The following HEATR5B variants were observed in gnomAD, a reference collection of about 807,000 sequenced individuals.
HEATR5B encodes the protein HEAT repeat-containing protein 5B.
Under a neutral mutation model 224.1 loss-of-function variants are expected in HEATR5B, and 156 were observed. The observed-to-expected ratio is 0.70, with a 90% CI of 0.61 to 0.80. HEATR5B has a LOEUF of 0.80. Among genes scored for constraint, HEATR5B ranks in the 30% least tolerant of loss-of-function variants. HEATR5B has a pLI of 0.00. For missense variants in HEATR5B, 2,323 were observed against 2,535.5 expected (o/e 0.92, Z 1.80); for synonymous variants, 1,027 against 893.0 (o/e 1.15, Z -2.68).
intron 12 of HEATR5B, among the ~76,000 whole-genome samples, chr2:37,059,509 G>A (rs1312568431): frequency 8.0e-6 from 1 of 124,930 alleles, no homozygotes; most frequent in Non-Finnish European, 1.6e-5. Flanking sequence ...TGTCAACCAG[G>A]CTGGAGTGCA....
At chr2:37,055,951 T>C (rs1670881287) in intron 16 of HEATR5B, among the ~76,000 whole-genome samples, 1 of 152,214 alleles carries the variant, frequency 6.6e-6, no homozygotes, top group South Asian at 2.1e-4. Context: ...AAAGAACCAA[T>C]TATGTTAGTT....
intron 23 of HEATR5B, 71 bp from the exon 24 acceptor site, chr2:37,028,245 ATTAAAATTTTTTTAATT>A: frequency 3.1e-6 from 3 of 955,916 alleles, no homozygotes; most frequent in Non-Finnish European, 4.2e-6. Context: ...AGTTATTAAT[ATTAAAATTTTTTTAATT>A]TAAAAAAAGA....
chr2:37,021,238 G>C (rs775000551), intron 24 of HEATR5B, among the ~76,000 whole-genome samples: 9 of 152,178 alleles, frequency 5.9e-5, no homozygotes, highest in Non-Finnish European at 1.0e-4. Context: ...AGAAAGTTAA[G>C]CTTGGGAACT....
rs767921597 is a variant in HEATR5B at position 37,020,758 on chromosome 2, C to T, written c.3932G>A (p.Arg1311Gln). 5.0e-6 allele frequency: 8 copies of T among 1,610,604 alleles called. No individual in the cohort carries two copies. The highest frequency in any genetic ancestry group is 5.9e-6 in the Non-Finnish European group (7 of 1,179,308). ...TTCAAGCGCCTGGAGCCCAGCCATTCGCAGCTGGTTGCTATGATCAGTTGC... is the reference window on the plus strand; with the variant it reads ...TTCAAGCGCCTGGAGCCCAGCCATTTGCAGCTGGTTGCTATGATCAGTTGC... ...MAATDHSNQL[R>Q]MAGLQALEDI... The change falls in exon 25 of 36, where the codon CGA becomes CAA. Residue 1311 changes from arginine (R) to glutamine (Q), a missense_variant. Arg to Gln is a conservative substitution (Grantham distance 43). This residue lies in a region of HEATR5B where 339 missense variants were observed against 378.4 expected (regional missense o/e 0.90). Transcript: ENST00000233099.
At chr2:37,075,704 CA>C (rs1039414490) in intron 4 of HEATR5B, 70 bp from the exon 5 acceptor site, 1 of 1,266,908 alleles carries the variant, frequency 7.9e-7, no homozygotes, top group African/African-American at 1.5e-5. Flanking sequence ...CACACCAAGA[CA>C]AAAGTTCTTT....
chr2:37,059,810 A>G (rs981991747), intron 12 of HEATR5B, among the ~76,000 whole-genome samples: 2 of 152,136 alleles, frequency 1.3e-5, no homozygotes, highest in African/African-American at 4.8e-5. Context: ...GTGTAAATAT[A>G]TATGTATATA....
chr2:36,994,116 C>T (rs1029155410), intron 33 of HEATR5B, among the ~76,000 whole-genome samples: 1 of 152,050 alleles, frequency 6.6e-6, no homozygotes, highest in Admixed American at 6.6e-5. Context: ...GACTTCATAT[C>T]CTCAGATGGT....
In HEATR5B at chr2:37,061,946, C is replaced by T; in HGVS notation, c.1689G>A (p.Met563Ile). 1 of 1,605,068 alleles carries T rather than the reference C, an allele frequency of 6.2e-7. No homozygotes were observed. The highest frequency in any genetic ancestry group is 8.5e-7 in the Non-Finnish European group (1 of 1,171,946). The change falls in exon 11 of 36, where the codon ATG becomes ATA. Residue 563 changes from methionine to isoleucine, a missense_variant. Met to Ile is a conservative substitution (Grantham distance 10). Around this residue, in one of 12 missense-constraint regions of HEATR5B, gnomAD observed 502 missense variants for 517.8 expected, o/e 0.97. Transcript: ENST00000233099. ...QAGWLLLGAL[M>I]TLGPSVVRYH... ...ACTCAAATATAATTATACCTAAAGT[C>T]ATAAGTGCTCCAAGTAAAAGCCAGC...
Position 36,990,915 on chromosome 2 carries a change from C to A in HEATR5B, c.5546-116G>T, listed in dbSNP as rs549924234. 4.9e-4 allele frequency: 400 copies of A among 822,252 alleles called. 1 individual carries two copies. Among genetic ancestry groups the A allele is most frequent in the Middle Eastern group, 2.3e-3 (8 of 3,536 alleles). The allele number at this position is 822,252 out of a possible 1,614,324, so 50.9% of individuals were successfully genotyped here. A position where few individuals can be genotyped will look rare whatever the true frequency, so the allele number is the denominator to read the frequency against. On this transcript the variant is annotated intron_variant, in intron 33 of 35. Transcript: ENST00000233099. ...ATGTTGTCCAGGCTGGTCTTGAACT[C>A]CTGAGCTCAAGTGATCCTCCTGCCT... is the stretch of plus-strand genomic sequence containing the variant.
At chr2:37,048,187 TG>T (rs1011822695) in intron 18 of HEATR5B, among the ~76,000 whole-genome samples, 6 of 151,340 alleles carry the variant, frequency 4.0e-5, no homozygotes, top group African/African-American at 9.7e-5. Flanking sequence ...GAGGACACAT[TG>T]TTTTTTTTTT....
At chr2:36,994,885 G>A (rs1666584211) in intron 33 of HEATR5B, among the ~76,000 whole-genome samples, 1 of 151,818 alleles carries the variant, frequency 6.6e-6, no homozygotes, top group South Asian at 2.1e-4. Context: ...TGAGTAGCTG[G>A]GATTACAGGT....
chr2:37,058,884 TTAC>T lies in HEATR5B; in HGVS notation c.1949+1_1949+3del. The T allele has an allele frequency of 6.4e-7, 1 of 1,556,302 alleles. No individual in the cohort carries two copies. Among genetic ancestry groups the T allele is most frequent in the Non-Finnish European group, 8.8e-7 (1 of 1,130,528 alleles). On this transcript the variant is annotated splice_donor_variant and splice_donor_region_variant and intron_variant, in intron 13 of 35. Coordinates refer to ENST00000233099, the MANE Select transcript of HEATR5B (RefSeq NM_019024.3). LOFTEE classifies it high-confidence loss of function. ...ATGTGAACTTGTCTCAATCGCTTACTTACTGTGACATCATAGTCATGGCACATT... is the reference window on the plus strand; with the variant it reads ...ATGTGAACTTGTCTCAATCGCTTACTTGTGACATCATAGTCATGGCACATT...
Position 37,056,520 on chromosome 2 carries a change from G to A in HEATR5B, c.2319C>T (p.Pro773=). The A allele has an allele frequency of 1.2e-6, 2 of 1,612,990 alleles. No individual in the cohort carries two copies. Among genetic ancestry groups the A allele is most frequent in the Non-Finnish European group, 1.7e-6 (2 of 1,179,364 alleles). The change falls in exon 16 of 36, where the codon CCC becomes CCT. Residue 773 remains proline, a synonymous_variant. Transcript: ENST00000233099. ...RIPAGEAVPG[P]LPLGVSVIDA... ...CAATGACTGAGACTCCGAGAGGGAGGGGACCAGGTACTGCTTCTCCAGCAG... is the reference window on the plus strand; with the variant it reads ...CAATGACTGAGACTCCGAGAGGGAGAGGACCAGGTACTGCTTCTCCAGCAG...
chr2:37,059,037 G>C, intron 12 of HEATR5B, 50 bp from the exon 13 acceptor site: 1 of 1,111,214 alleles, frequency 9.0e-7, no homozygotes, highest in Non-Finnish European at 1.3e-6. Context: ...TTGTGAACAT[G>C]AATTAATTTA....
At chr2:37,005,564 T>TC in intron 30 of HEATR5B, 68 bp downstream of exon 30, 1 of 1,453,738 alleles carries the variant, frequency 6.9e-7, no homozygotes. Flanking sequence ...AAATCCATCC[T>TC]TTTTTCCATT....
intron 33 of HEATR5B, among the ~76,000 whole-genome samples, chr2:36,998,342 A>T (rs1436427441): frequency 6.6e-6 from 1 of 152,250 alleles, no homozygotes; most frequent in Non-Finnish European, 1.5e-5. Context: ...GCAAATTAAA[A>T]CCGTAAGACA....
intron 26 of HEATR5B, 112 bp downstream of exon 26, chr2:37,019,697 T>A: frequency 1.5e-6 from 1 of 672,976 alleles, no homozygotes; most frequent in Non-Finnish European, 2.6e-6. Flanking sequence ...ATTCAAGCGA[T>A]CCTCCCATGT....
intron 34 of HEATR5B, 88 bp downstream of exon 34, chr2:36,990,560 T>C: frequency 2.5e-6 from 3 of 1,220,722 alleles, no homozygotes; most frequent in Non-Finnish European, 2.2e-6. Flanking sequence ...AGCTTTTCAT[T>C]ATGTATCACA....
At chr2:37,079,428 T>C in intron 2 of HEATR5B, 97 bp from the exon 3 acceptor site, 2 of 618,018 alleles carry the variant, frequency 3.2e-6, no homozygotes, top group Non-Finnish European at 5.6e-6. Flanking sequence ...GGCACTCTAA[T>C]AATTAAAAAT....
Sources: gnomAD v4.1 joint callset for allele counts (sites outside exome capture counted in the v4.1 genomes callset) on GRCh38, gnomAD v4.1.1 for gene constraint, gnomAD v4.1.1 regional missense constraint, MANE v1.5 for transcripts, NCBI Gene and HGNC (gene_info 2026-07-23, HGNC 2026-07-21) for gene names.